The following AKAP13 variants were observed in gnomAD, a reference collection of about 807,000 sequenced individuals.
AKAP13 encodes A-kinase anchoring protein 13, also known as A-kinase anchor protein 13.
AKAP13 carries 80 observed loss-of-function variants against 264.5 expected under a neutral mutation model. The ratio of observed to expected loss-of-function variants is 0.30; its 90% CI spans 0.25 to 0.36. The LOEUF is 0.36. Among genes scored for constraint, AKAP13 ranks in the 10% least tolerant of loss-of-function variants. The pLI is 1.00. For missense variants in AKAP13, 3,712 were observed against 3,435.2 expected, an observed-to-expected ratio of 1.08 and a Z score of -2.01; for synonymous variants, 1,380 against 1,250.2, an observed-to-expected ratio of 1.10 and a Z score of -2.19.
chr15:85,652,876 C>G (rs1035399762), intron 10 of AKAP13, among the ~76,000 whole-genome samples: 1 of 152,106 alleles, frequency 6.6e-6, no homozygotes, highest in Non-Finnish European at 1.5e-5. Context: ...GCAGGGACAC[C>G]ATTTGTGTTG....
rs1490694985 is a variant in AKAP13, at chr15:85,744,964, G to GTGA, written c.*290_*292dup. 9.0e-6 allele frequency: 3 copies of GTGA among 333,554 alleles called. No individual in the cohort carries two copies. Among genetic ancestry groups the GTGA allele is most frequent in the Non-Finnish European group, 1.6e-5 (3 of 182,908 alleles). The allele number at this position is 333,554 out of a possible 1,614,324, so 20.7% of individuals were successfully genotyped here. A position where few individuals can be genotyped will look rare whatever the true frequency, so the allele number is the denominator to read the frequency against. ...GAAAGTAATGGCCTCGTAAGTACAG[G>GTGA]TGATGGTTTTGGACACGTCAGGAAT... On this transcript the variant is annotated 3_prime_UTR_variant, in exon 37 of 37. Coordinates refer to ENST00000394518, the MANE Select transcript of AKAP13 (RefSeq NM_007200.5).
rs2088340151 is a variant in AKAP13, at chr15:85,735,075, G to A, written c.7366G>A (p.Val2456Ile). The A allele has an allele frequency of 6.2e-7, 1 of 1,614,220 alleles. No homozygotes were observed. The highest frequency in any genetic ancestry group is 1.3e-5 in the African/African-American group (1 of 75,054). Residue 2456 changes from valine (V) to isoleucine (I), a missense_variant, in exon 31 of 37, where the codon GTC becomes ATC. By Grantham distance (29) the Val-to-Ile change is conservative. Coordinates refer to ENST00000394518, the MANE Select transcript of AKAP13 (RefSeq NM_007200.5). ...TVSSPIEQDV[V>I]GPVSLPRRAE... ...CAGCAGCCCCATTGAGCAAGATGTG[G>A]TCGGTCCCGTTTCCCTGCCCCGGAG...
chr15:85,610,082 A>G (rs950254628), intron 8 of AKAP13, among the ~76,000 whole-genome samples: 1 of 152,238 alleles, frequency 6.6e-6, no homozygotes, highest in African/African-American at 2.4e-5. Context: ...AGACACTTAA[A>G]TATTTGCTGA....
intron 1 of AKAP13, among the ~76,000 whole-genome samples, chr15:85,412,741 A>C (rs545046632): frequency 1.3e-5 from 2 of 152,338 alleles, no homozygotes; most frequent in East Asian, 3.9e-4. Context: ...GCTGATCCTC[A>C]TGAAATACTT....
At chr15:85,611,588 T>C (rs1461549536) in intron 8 of AKAP13, among the ~76,000 whole-genome samples, 3 of 152,220 alleles carry the variant, frequency 2.0e-5, no homozygotes, top group Non-Finnish European at 4.4e-5. Context: ...TCTAACAGCT[T>C]TCTGACTCAT....
At chr15:85,506,357 C>G (rs1461624284) in intron 2 of AKAP13, among the ~76,000 whole-genome samples, 1 of 152,078 alleles carries the variant, frequency 6.6e-6, no homozygotes, top group Non-Finnish European at 1.5e-5. Flanking sequence ...ATTTGGCCAA[C>G]ATTTATTGAG....
intron 2 of AKAP13, among the ~76,000 whole-genome samples, chr15:85,516,358 TAA>T (rs1345673564): frequency 1.1e-4 from 17 of 152,196 alleles, no homozygotes; most frequent in Non-Finnish European, 2.2e-4. Context: ...TAAACAGATG[TAA>T]AGTGATATAC....
At chr15:85,742,941 C>T (rs1029208647) in intron 35 of AKAP13, among the ~76,000 whole-genome samples, 2 of 152,086 alleles carry the variant, frequency 1.3e-5, no homozygotes, top group South Asian at 2.1e-4. Flanking sequence ...GGATTCCACC[C>T]CCATCCCAAT....
chr15:85,730,787 T>TTTTTTACTTTAAAGTAAA, intron 30 of AKAP13, 80 bp downstream of exon 30: 1 of 1,312,168 alleles, frequency 7.6e-7, no homozygotes. Flanking sequence ...CAGTTTTTAC[T>TTTTTTACTTTAAAGTAAA]TTTTTACTTT....
intron 1 of AKAP13, among the ~76,000 whole-genome samples, chr15:85,461,722 T>C (rs868631272): frequency 6.6e-6 from 1 of 152,218 alleles, no homozygotes; most frequent in Middle Eastern, 3.4e-3. Context: ...TTCCTGTTGA[T>C]AGTTTGTTGC....
At position 85,630,234 on chromosome 15, in the gene AKAP13, AACAC is replaced by A. The variant is rs71141472; in HGVS notation, c.4162-9110_4162-9107del. On this transcript the variant is annotated intron_variant, in intron 8 of 36. Transcript: ENST00000394518. Reference sequence around the variant, plus strand: ...ATCATGAACTAAGATGGAAAATTGTAACACACACACACACACACACACACACACA... The same window carrying A: ...ATCATGAACTAAGATGGAAAATTGTAACACACACACACACACACACACACA... Among the ~76,000 whole-genome samples the A allele has an allele frequency of 7.2e-4, 86 of 119,166 alleles. 1 individual carries two copies. Among genetic ancestry groups the A allele is most frequent in the Middle Eastern group, 4.5e-3 (1 of 220 alleles). The allele number at this position is 119,166 out of a possible 152,430, so 78.2% of individuals were successfully genotyped here. A position where few individuals can be genotyped will look rare whatever the true frequency, so the allele number is the denominator to read the frequency against.
chr15:85,586,682 T>C (rs187681079), intron 8 of AKAP13, among the ~76,000 whole-genome samples: 1 of 152,138 alleles, frequency 6.6e-6, no homozygotes, highest in Admixed American at 6.5e-5. Flanking sequence ...TCCCAGCACT[T>C]TGGGAGGCTG....
intron 1 of AKAP13, among the ~76,000 whole-genome samples, chr15:85,402,079 A>G (rs577109971): frequency 6.6e-6 from 1 of 152,340 alleles, no homozygotes; most frequent in Non-Finnish European, 1.5e-5. Flanking sequence ...CAATTCTCCC[A>G]TCAAAAATGA....
At chr15:85,740,102 A>G (rs2088844833) in intron 33 of AKAP13, 120 bp from the exon 34 acceptor site, 6 of 1,003,638 alleles carry the variant, frequency 6.0e-6, no homozygotes, top group Non-Finnish European at 8.8e-6. Context: ...AATATTTCAT[A>G]AAGATATAAG....
intron 5 of AKAP13, 41 bp from the exon 6 acceptor site, chr15:85,575,090 G>T (rs373358219): frequency 6.3e-7 from 1 of 1,591,994 alleles, no homozygotes; most frequent in South Asian, 1.1e-5. Flanking sequence ...ATGCCTGGGA[G>T]GCAGAATGTA....
At chr15:85,719,838 C>T (rs1279356553) in intron 23 of AKAP13, among the ~76,000 whole-genome samples, 1 of 151,830 alleles carries the variant, frequency 6.6e-6, no homozygotes, top group East Asian at 1.9e-4. Context: ...TCGCTTGAAC[C>T]TGGGAGGCAG....
In AKAP13 at chr15:85,459,281, G is replaced by A. The variant is rs116030745; in HGVS notation, c.-11-26429G>A. ...GCTCACTGCAACCTCTGCCTTCCGG[G>A]TTCAAAAGATTATCCTGCCTCAGCC... On this transcript the variant is annotated intron_variant, in intron 1 of 36. Coordinates refer to ENST00000394518, the MANE Select transcript of AKAP13 (RefSeq NM_007200.5). Among the ~76,000 whole-genome samples, 1,255 of 151,852 alleles carry A rather than the reference G, an allele frequency of 8.3e-3. 22 individuals carry two copies. Among genetic ancestry groups the A allele is most frequent in the African/African-American group, 0.028 (1,172 of 41,386 alleles).
intron 9 of AKAP13, 43 bp from the exon 10 acceptor site, chr15:85,645,768 TTTTTTTG>T (rs777351311): frequency 4.1e-6 from 6 of 1,467,808 alleles, no homozygotes; most frequent in Admixed American, 5.1e-5. Flanking sequence ...TGTTTTTTGG[TTTTTTTG>T]TTTTTTTTTT....
chr15:85,555,490 G>C (rs979491374), intron 5 of AKAP13: 1 of 1,280,614 alleles, frequency 7.8e-7, no homozygotes, highest in Non-Finnish European at 1.0e-6. Context: ...GGGCAGCCAT[G>C]TGTGAGTATC....
Sources: allele counts gnomAD v4.1 joint callset (sites outside exome capture counted in the v4.1 genomes callset), GRCh38; gene constraint gnomAD v4.1.1; transcripts MANE v1.5; gene names NCBI Gene and HGNC (gene_info 2026-07-23, HGNC 2026-07-21).